The following GALNT18 variants were observed in gnomAD, a reference collection of about 807,000 sequenced individuals.
GALNT18 encodes the protein polypeptide N-acetylgalactosaminyltransferase 18.
Under a neutral mutation model 69.5 loss-of-function variants are expected in GALNT18, and 44 were observed. The observed-to-expected ratio is 0.63, with a 90% CI of 0.50 to 0.81. GALNT18 has a LOEUF of 0.81. GALNT18 is among the 40% of genes least tolerant of loss of function. The pLI is 0.00. For missense variants in GALNT18, 715 were observed against 810.0 expected (o/e 0.88, Z 1.42); for synonymous variants, 364 against 318.2 (o/e 1.14, Z -1.53).
intron 3 of GALNT18, among the ~76,000 whole-genome samples, chr11:11,406,506 T>G (rs1054764358): frequency 9.9e-5 from 15 of 152,228 alleles, no homozygotes; most frequent in Non-Finnish European, 2.1e-4. Flanking sequence ...CAGCCCCCTG[T>G]CCATCTCCAA....
At position 11,340,765 on chromosome 11, in the gene GALNT18, T is replaced by C. The variant is rs1589919957; in HGVS notation, c.1278+54A>G. 5 of 1,519,720 alleles carry C rather than the reference T, an allele frequency of 3.3e-6. No individual in the cohort carries two copies. The East Asian group carries it at 1.2e-4, about 35-fold the overall frequency. The allele number at this position is 1,519,720 out of a possible 1,614,324, so 94.1% of individuals were successfully genotyped here. A position where few individuals can be genotyped will look rare whatever the true frequency, so the allele number is the denominator to read the frequency against. ...AGAAGGGTTCGGTCCCATATCTTGT[T>C]TTGTTTGTTTTCCACCAATCCCCGA... On this transcript the variant is annotated intron_variant, in intron 7 of 10. Transcript: ENST00000227756. The surrounding 1 kb of genome is among the most constrained non-coding windows in gnomAD (Gnocchi z 4.2).
At chr11:11,530,423 C>T (rs962629902) in intron 1 of GALNT18, among the ~76,000 whole-genome samples, 14 of 152,222 alleles carry the variant, frequency 9.2e-5, no homozygotes, top group African/African-American at 3.4e-4. Context: ...TCAACTGGAC[C>T]TGAATCCACA....
intron 3 of GALNT18, among the ~76,000 whole-genome samples, chr11:11,405,329 T>C (rs1469403010): frequency 2.0e-5 from 3 of 152,324 alleles, no homozygotes; most frequent in South Asian, 2.1e-4. Flanking sequence ...ACTACACTTA[T>C]ATTGTTTTTA....
In GALNT18 at chr11:11,457,984, T is replaced by C. The variant is rs1590020815; in HGVS notation, c.236-9048A>G. Among the ~76,000 whole-genome samples the C allele has an allele frequency of 2.6e-5, 4 of 152,300 alleles. No individual in the cohort carries two copies. The South Asian group carries it at 6.2e-4, about 24-fold the overall frequency. ...AGAAACTAGGTCAGGCAGGTTGGGG[T>C]GCCAGGTATCTGTCTGCCATGGGCC... On this transcript the variant is annotated intron_variant, in intron 1 of 10. Coordinates refer to ENST00000227756, the MANE Select transcript of GALNT18 (RefSeq NM_198516.3).
intron 2 of GALNT18, among the ~76,000 whole-genome samples, chr11:11,448,006 A>G (rs1381838950): frequency 1.3e-5 from 2 of 152,196 alleles, no homozygotes; most frequent in African/African-American, 4.8e-5. Context: ...CTGAGCCACA[A>G]ATAACCATAC....
Position 11,315,871 on chromosome 11 carries a change from A to C in GALNT18, c.1512+11215T>G, listed in dbSNP as rs1849742427. Among the ~76,000 whole-genome samples the C allele has an allele frequency of 6.6e-6, 1 of 151,980 alleles. No homozygotes were observed. Among genetic ancestry groups the C allele is most frequent in the African/African-American group, 2.4e-5 (1 of 41,366 alleles). On this transcript the variant is annotated intron_variant, in intron 9 of 10. Transcript: ENST00000227756. The surrounding 1 kb of genome is among the most constrained non-coding windows in gnomAD (Gnocchi z 5.6). The stretch of plus-strand genomic sequence containing the variant: ...ACCACTACCCTGCACCCCCTCAAAC[A>C]ACCATCCTGCACCGAGAAACTGAAC...
Position 11,590,520 on chromosome 11 carries a change from T to C in GALNT18, c.235+30839A>G, listed in dbSNP as rs1590123355. 6.6e-6 allele frequency among the ~76,000 whole-genome samples: 1 copy of C among 152,218 alleles called. No homozygotes were observed. The highest frequency in any genetic ancestry group is 6.5e-5 in the Admixed American group (1 of 15,284). ...CAACCAATCAGAAGGACACTGGCTG[T>C]TCTGCTGCATCAGTGCAACAGGGAT... On this transcript the variant is annotated intron_variant, in intron 1 of 10. Coordinates refer to ENST00000227756, the MANE Select transcript of GALNT18 (RefSeq NM_198516.3). The surrounding 1 kb of genome is among the most constrained non-coding windows in gnomAD (Gnocchi z 4.4).
intron 3 of GALNT18, among the ~76,000 whole-genome samples, chr11:11,427,539 C>T (rs968831107): frequency 2.0e-5 from 3 of 152,170 alleles, no homozygotes; most frequent in Non-Finnish European, 4.4e-5. Flanking sequence ...ACATCCCTTC[C>T]ATTGTGTTAT....
At position 11,469,177 on chromosome 11, in the gene GALNT18, C is replaced by T. The variant is rs1238383483; in HGVS notation, c.236-20241G>A. Among the ~76,000 whole-genome samples, 1 of 152,144 alleles carries T rather than the reference C, an allele frequency of 6.6e-6. No individual in the cohort carries two copies. The highest frequency in any genetic ancestry group is 1.9e-4 in the East Asian group (1 of 5,196). The stretch of plus-strand genomic sequence containing the variant: ...TAGCCAAGAAAAGCAGTCTGAGTTG[C>T]TATAAACATAAAGAAGCCCGTCTGC... On this transcript the variant is annotated intron_variant, in intron 1 of 10. Coordinates refer to ENST00000227756, the MANE Select transcript of GALNT18 (RefSeq NM_198516.3). This position sits in a 1 kb window ranked among gnomAD's most constrained non-coding sequence, Gnocchi z 4.2.
chr11:11,621,791 G>A lies in GALNT18; in HGVS notation c.-198C>T. ...TTGCAGCTCCTGCCGCTGGCCACCC[G>A]GAGAGACCTTGACAAAGGAAACCAG... On this transcript the variant is annotated 5_prime_UTR_variant, in exon 1 of 11. Coordinates refer to ENST00000227756, the MANE Select transcript of GALNT18 (RefSeq NM_198516.3). This position sits in a 1 kb window ranked among gnomAD's most constrained non-coding sequence, Gnocchi z 9.3. 1 of 594,426 alleles carries A rather than the reference G, an allele frequency of 1.7e-6. No homozygotes were observed. Among genetic ancestry groups the A allele is most frequent in the Non-Finnish European group, 3.0e-6 (1 of 334,334 alleles). The allele number at this position is 594,426 out of a possible 1,614,324, so 36.8% of individuals were successfully genotyped here.
chr11:11,300,502 G>C (rs997271145), intron 9 of GALNT18, among the ~76,000 whole-genome samples: 1 of 152,160 alleles, frequency 6.6e-6, no homozygotes, highest in South Asian at 2.1e-4. Flanking sequence ...TATTTTTGTT[G>C]GTTGCAGCCC....
chr11:11,333,822 C>T (rs1190734231), intron 7 of GALNT18, among the ~76,000 whole-genome samples: 4 of 152,050 alleles, frequency 2.6e-5, no homozygotes, highest in African/African-American at 9.7e-5. Flanking sequence ...TTGGGCAGCA[C>T]TAAGAATTCC....
At chr11:11,335,246 T>C (rs1850091883) in intron 7 of GALNT18, among the ~76,000 whole-genome samples, 1 of 152,192 alleles carries the variant, frequency 6.6e-6, no homozygotes, top group Admixed American at 6.5e-5. Flanking sequence ...ATCCACCAGG[T>C]GGCCATCTCC....
intron 1 of GALNT18, among the ~76,000 whole-genome samples, chr11:11,579,196 G>A (rs1859009659): frequency 1.3e-5 from 2 of 152,298 alleles, no homozygotes; most frequent in South Asian, 4.1e-4. Context: ...GATGGCAAAG[G>A]AAGGCTCCAG....
chr11:11,273,306 A>G (rs1848865905), intron 10 of GALNT18, among the ~76,000 whole-genome samples: 1 of 152,224 alleles, frequency 6.6e-6, no homozygotes, highest in Non-Finnish European at 1.5e-5. Context: ...CCCCTCTGAC[A>G]AGGGATTAAT....
intron 1 of GALNT18, among the ~76,000 whole-genome samples, chr11:11,559,577 A>G (rs911612027): frequency 6.6e-6 from 1 of 151,870 alleles, no homozygotes; most frequent in African/African-American, 2.4e-5. Context: ...ATAGGACAGA[A>G]TAAAATGGGA....
Position 11,542,304 on chromosome 11 carries a change from G to A in GALNT18, c.235+79055C>T, listed in dbSNP as rs1224976589. Among the ~76,000 whole-genome samples, 2 of 152,164 alleles carry A rather than the reference G, an allele frequency of 1.3e-5. No individual in the cohort carries two copies. Among genetic ancestry groups the A allele is most frequent in the Admixed American group, 6.5e-5 (1 of 15,282 alleles). On this transcript the variant is annotated intron_variant, in intron 1 of 10. Coordinates refer to ENST00000227756, the MANE Select transcript of GALNT18 (RefSeq NM_198516.3). This position sits in a 1 kb window ranked among gnomAD's most constrained non-coding sequence, Gnocchi z 4.3. The stretch of plus-strand genomic sequence containing the variant: ...TTTCCCTCAGCCTTTCTCCCTACCA[G>A]ATAGAGCAAGCCATGGACAGACGCC...
At chr11:11,594,124 T>A (rs2133933546) in intron 1 of GALNT18, among the ~76,000 whole-genome samples, 1 of 152,290 alleles carries the variant, frequency 6.6e-6, no homozygotes, top group East Asian at 1.9e-4. Flanking sequence ...AAGCACAGTA[T>A]TTTTTTAGAA....
chr11:11,507,858 C>A (rs764375005), intron 1 of GALNT18, among the ~76,000 whole-genome samples: 1 of 152,190 alleles, frequency 6.6e-6, no homozygotes, highest in Non-Finnish European at 1.5e-5. Context: ...AGCAGAAGAA[C>A]CTGGAAAGAC....
Sources: gnomAD v4.1 joint callset for allele counts (sites outside exome capture counted in the v4.1 genomes callset) on GRCh38, gnomAD v4.1.1 for gene constraint, Gnocchi (gnomAD v3.1) non-coding constraint, MANE v1.5 for transcripts, NCBI Gene and HGNC (gene_info 2026-07-23, HGNC 2026-07-21) for gene names.